PRPSAP2: variants seen among roughly 807,000 people sequenced by gnomAD.
PRPSAP2 encodes phosphoribosyl pyrophosphate synthetase associated protein 2.
A neutral mutation model predicts 40.6 loss-of-function variants in PRPSAP2; 24 were observed. That is an observed-to-expected ratio of 0.59 (90% CI 0.43 to 0.83). PRPSAP2 has a LOEUF of 0.83. PRPSAP2 is among the 40% of genes least tolerant of loss of function. The probability of loss-of-function intolerance (pLI) is 0.00; values close to 1 mark genes in which losing one functional copy is unlikely to be tolerated. For missense variants in PRPSAP2, 292 were observed against 465.6 expected (o/e 0.63, Z 3.43); for synonymous variants, 149 against 164.7 (o/e 0.90, Z 0.73).
At chr17:18,910,682 T>A (rs1437747472) in intron 8 of PRPSAP2, among the ~76,000 whole-genome samples, 2 of 152,202 alleles carry the variant, frequency 1.3e-5, no homozygotes, top group Non-Finnish European at 2.9e-5. Context: ...CATATCTCAG[T>A]TTTACCTCCC....
At chr17:18,910,612 A>G (rs185242674) in intron 8 of PRPSAP2, among the ~76,000 whole-genome samples, 1 of 152,282 alleles carries the variant, frequency 6.6e-6, no homozygotes, top group East Asian at 1.9e-4. Context: ...TAATGCTTAT[A>G]TGGGCACATA....
chr17:18,864,133 C>T (rs7503663), intron 1 of PRPSAP2, among the ~76,000 whole-genome samples: 80,730 of 151,556 alleles, frequency 0.53, 21,761 homozygotes, highest in Middle Eastern at 0.6. Context: ...GGATTACAGG[C>T]GTGAGCCACT....
At chr17:18,913,776 G>A (rs1353646538) in intron 9 of PRPSAP2, among the ~76,000 whole-genome samples, 1 of 150,994 alleles carries the variant, frequency 6.6e-6, no homozygotes. Context: ...TTGAACTCCT[G>A]AGCTCAAGTG....
chr17:18,868,320 C>CA (rs2037577452), intron 4 of PRPSAP2, among the ~76,000 whole-genome samples: 1 of 151,890 alleles, frequency 6.6e-6, no homozygotes, highest in African/African-American at 2.4e-5. Flanking sequence ...ACTAAAAATA[C>CA]AAAAATTTGC....
At chr17:18,925,901 C>G (rs923190798) in intron 10 of PRPSAP2, among the ~76,000 whole-genome samples, 1 of 152,050 alleles carries the variant, frequency 6.6e-6, no homozygotes, top group Non-Finnish European at 1.5e-5. Flanking sequence ...GTCAGGAGAT[C>G]GAGACCATCC....
At position 18,886,155 on chromosome 17, in the gene PRPSAP2, G is replaced by A. The variant is rs557149451; in HGVS notation, c.528+3472G>A. On this transcript the variant is annotated intron_variant, in intron 7 of 11. Transcript: ENST00000268835. Reference sequence around the variant, plus strand: ...TCAGTCCAGGCTTACATTATTTTACGTCACCAAGAAAGAAGAAAACACTGC... The same window carrying A: ...TCAGTCCAGGCTTACATTATTTTACATCACCAAGAAAGAAGAAAACACTGC... Among the ~76,000 whole-genome samples the A allele has an allele frequency of 2.6e-5, 4 of 152,046 alleles. No individual in the cohort carries two copies. The East Asian group carries it at 7.7e-4, about 29-fold the overall frequency.
chr17:18,883,564 T>A (rs1186650053), intron 7 of PRPSAP2, among the ~76,000 whole-genome samples: 2 of 152,052 alleles, frequency 1.3e-5, no homozygotes, highest in African/African-American at 4.8e-5. Context: ...ATTTTTTGTA[T>A]CTTTAGTAGA....
intron 6 of PRPSAP2, among the ~76,000 whole-genome samples, 199 bp from the exon 7 acceptor site, chr17:18,882,369 G>A (rs2038821077): frequency 6.6e-6 from 1 of 151,630 alleles, no homozygotes; most frequent in African/African-American, 2.4e-5. Context: ...GAATTATCTG[G>A]GCGTGGTGGC....
chr17:18,872,467 T>C lies in PRPSAP2; in HGVS notation c.173-116T>C, dbSNP rs892188350. The C allele has an allele frequency of 9.2e-6, 7 of 759,694 alleles. No individual in the cohort carries two copies. In the Admixed American group the frequency reaches 1.1e-4, roughly 12 times the overall value. 47.1% of individuals were successfully genotyped at this position (759,694 alleles called of 1,614,324 possible). On this transcript the variant is annotated intron_variant, in intron 4 of 11. Coordinates refer to ENST00000268835, the MANE Select transcript of PRPSAP2 (RefSeq NM_002767.4). ...AACATCTAAAGCCTACTGAGTCTTA[T>C]AACAGTTTGAGTTGCCATATTCTAT...
At chr17:18,892,210 T>G (rs1426212322) in intron 8 of PRPSAP2, among the ~76,000 whole-genome samples, 1 of 152,224 alleles carries the variant, frequency 6.6e-6, no homozygotes, top group Non-Finnish European at 1.5e-5. Flanking sequence ...GTATACTAGT[T>G]TGTTTATCCA....
intron 9 of PRPSAP2, among the ~76,000 whole-genome samples, chr17:18,913,579 C>T (rs1358633395): frequency 8.2e-6 from 1 of 122,602 alleles, no homozygotes; most frequent in Non-Finnish European, 1.6e-5. Context: ...GACAAGGTCT[C>T]ACTCTGTCAC....
At position 18,881,242 on chromosome 17, in the gene PRPSAP2, C is replaced by CT. The variant is rs1223985566; in HGVS notation, c.413-1315dup. On this transcript the variant is annotated intron_variant, in intron 6 of 11. Coordinates refer to ENST00000268835, the MANE Select transcript of PRPSAP2 (RefSeq NM_002767.4). ...TTTTTTGATGGTAGAACAATTTTGTCTTTTTTTTTTTGAGACCAAGTCTCC... is the reference window on the plus strand; with the variant it reads ...TTTTTTGATGGTAGAACAATTTTGTCTTTTTTTTTTTTGAGACCAAGTCTCC... 5.9e-4 allele frequency among the ~76,000 whole-genome samples: 86 copies of CT among 145,016 alleles called. 1 individual carries two copies. In the East Asian group the frequency reaches 0.012, roughly 20 times the overall value.
At chr17:18,863,506 T>C (rs2037193173) in intron 1 of PRPSAP2, among the ~76,000 whole-genome samples, 1 of 146,992 alleles carries the variant, frequency 6.8e-6, no homozygotes, top group East Asian at 2.0e-4. Flanking sequence ...TTTCTTTCTT[T>C]CTTCCCTTTC....
intron 11 of PRPSAP2, among the ~76,000 whole-genome samples, chr17:18,930,327 T>C (rs1409975775): frequency 6.6e-6 from 1 of 152,190 alleles, no homozygotes; most frequent in Admixed American, 6.5e-5. Context: ...TGAGCTGAGA[T>C]GGCATCACTG....
chr17:18,884,617 G>C (rs2038999342), intron 7 of PRPSAP2, among the ~76,000 whole-genome samples: 1 of 152,186 alleles, frequency 6.6e-6, no homozygotes, highest in Non-Finnish European at 1.5e-5. Context: ...TGTGATTACA[G>C]GTGTGAGCCA....
intron 11 of PRPSAP2, 34 bp from the exon 12 acceptor site, chr17:18,930,506 C>T: frequency 6.3e-7 from 1 of 1,599,172 alleles, no homozygotes; most frequent in Non-Finnish European, 8.5e-7. Flanking sequence ...ACTTGGCTTT[C>T]TGATGCTGTG....
chr17:18,859,713 A>G (rs2036854558), intron 1 of PRPSAP2: 2 of 152,318 alleles, frequency 1.3e-5, no homozygotes, highest in South Asian at 4.1e-4. Context: ...CCTTGGAGTG[A>G]GGCACATCAC....
In PRPSAP2 at chr17:18,896,034, G is replaced by A. The variant is rs542473800; in HGVS notation, c.584+6157G>A. On this transcript the variant is annotated intron_variant, in intron 8 of 11. Transcript: ENST00000268835. ...ATCTTCCTGCCTTGGGCCTCCTGAA[G>A]TTCTAGAATTAAAAGTGTGAGCCAC... 2.0e-5 allele frequency among the ~76,000 whole-genome samples: 3 copies of A among 152,026 alleles called. No individual in the cohort carries two copies. In the East Asian group the frequency reaches 5.8e-4, roughly 29 times the overall value.
At chr17:18,928,042 C>G (rs2151977602) in intron 10 of PRPSAP2, among the ~76,000 whole-genome samples, 1 of 152,232 alleles carries the variant, frequency 6.6e-6, no homozygotes, top group East Asian at 1.9e-4. Flanking sequence ...CCTCAGCCTC[C>G]CAAAGTGCTG....
Sources: gnomAD v4.1 joint callset for allele counts (sites outside exome capture counted in the v4.1 genomes callset) on GRCh38, gnomAD v4.1.1 for gene constraint, MANE v1.5 for transcripts, NCBI Gene and HGNC (gene_info 2026-07-23, HGNC 2026-07-21) for gene names.